WDPCP: variants seen among roughly 807,000 people sequenced by gnomAD.
WDPCP encodes the protein WD repeat-containing and planar cell polarity effector protein fritz homolog.
In WDPCP, 71 loss-of-function variants were observed where a neutral mutation model predicts 93.1. The ratio of observed to expected loss-of-function variants is 0.76; its 90% CI spans 0.63 to 0.93. WDPCP has a LOEUF of 0.93. WDPCP is among the 40% of genes least tolerant of loss of function. The pLI is 0.00. For missense variants in WDPCP, 844 were observed against 887.4 expected, an observed-to-expected ratio of 0.95 and a Z score of 0.62; for synonymous variants, 315 against 315.0, an observed-to-expected ratio of 1.00 and a Z score of 0.00.
At chr2:63,151,538 C>CT (rs978978631) in intron 17 of WDPCP, among the ~76,000 whole-genome samples, 1 of 151,970 alleles carries the variant, frequency 6.6e-6, no homozygotes, top group African/African-American at 2.4e-5. Flanking sequence ...TGTTGTTGTT[C>CT]TTTTTTTAAA....
upstream of WDPCP, chr2:63,588,956 C>A (rs958692852): frequency 1.2e-5 from 19 of 1,593,214 alleles, no homozygotes; most frequent in African/African-American, 8.1e-5. Context: ...CACCGCTCGC[C>A]CTCTCCGAGT....
chr2:63,575,037 A>G lies in WDPCP; in HGVS notation c.75+13160T>C, dbSNP rs1034160285. 4.6e-5 allele frequency among the ~76,000 whole-genome samples: 7 copies of G among 152,088 alleles called. No homozygotes were observed. In the East Asian group the frequency reaches 1.4e-3, roughly 29 times the overall value. On this transcript the variant is annotated intron_variant, in intron 1 of 17. Transcript: ENST00000272321. ...ATTCACTTTTTAACCTTATCCTTTA[A>G]AAATGGTCTGCTTGGTAGAGGGTTA...
At chr2:63,751,866 G>C in intron 2 of WDPCP, 1 of 679,978 alleles carries the variant, frequency 1.5e-6, no homozygotes, top group Non-Finnish European at 2.7e-6. Flanking sequence ...CAAAAGCATT[G>C]TAGCTTCCAC....
At chr2:63,742,838 A>G (rs181843097) in intron 2 of WDPCP, among the ~76,000 whole-genome samples, 57 of 151,622 alleles carry the variant, frequency 3.8e-4, no homozygotes, top group Admixed American at 7.2e-4. Flanking sequence ...ACAGAGCCCA[A>G]TGTTATCAGT....
intron 6 of WDPCP, among the ~76,000 whole-genome samples, chr2:63,468,760 A>G (rs1699513917): frequency 6.6e-6 from 1 of 152,146 alleles, no homozygotes; most frequent in African/African-American, 2.4e-5. Context: ...CTTTCTTGCC[A>G]ACAGCTCCAG....
intron 2 of WDPCP, among the ~76,000 whole-genome samples, chr2:63,799,735 T>A (rs975908510): frequency 2.6e-5 from 4 of 152,184 alleles, no homozygotes; most frequent in African/African-American, 9.7e-5. Context: ...TGTTAAGAAA[T>A]AGGCTGAAAG....
At chr2:63,641,904 T>G (rs898252241) in intron 3 of WDPCP, among the ~76,000 whole-genome samples, 2 of 152,164 alleles carry the variant, frequency 1.3e-5, no homozygotes, top group African/African-American at 4.8e-5. Flanking sequence ...CAATATTTTT[T>G]TAGTAGATTC....
In WDPCP at chr2:63,547,558, C is replaced by T. The variant is rs6717257; in HGVS notation, c.75+40639G>A. 5.6e-4 allele frequency among the ~76,000 whole-genome samples: 7 copies of T among 12,394 alleles called. No homozygotes were observed. The East Asian group carries it at 0.025, about 44-fold the overall frequency. The allele number at this position is 12,394 out of a possible 152,430, so 8.1% of individuals were successfully genotyped here. ...AGATAAAGAAAATGTGGTATGTATA[C>T]ACACACACACACACACACATACACA... is the stretch of plus-strand genomic sequence containing the variant. On this transcript the variant is annotated intron_variant, in intron 1 of 17. Coordinates refer to ENST00000272321, the MANE Select transcript of WDPCP (RefSeq NM_015910.7).
intron 1 of WDPCP, among the ~76,000 whole-genome samples, chr2:63,824,184 C>G (rs1438582915): frequency 1.3e-5 from 2 of 152,034 alleles, no homozygotes; most frequent in African/African-American, 2.4e-5. Flanking sequence ...AAGTGTTTGA[C>G]AGTTCCTCCT....
intron 17 of WDPCP, among the ~76,000 whole-genome samples, chr2:63,150,364 G>A (rs145077095): frequency 6.6e-6 from 1 of 152,266 alleles, no homozygotes; most frequent in East Asian, 1.9e-4. Context: ...TTTGGTTGCC[G>A]TGACTGGGGT....
intron 3 of WDPCP, chr2:63,644,139 A>T: frequency 3.1e-6 from 1 of 325,798 alleles, no homozygotes; most frequent in Non-Finnish European, 6.0e-6. Context: ...TTCATCAGGG[A>T]TATTGGCCTA....
At chr2:63,699,962 T>C (rs1281275084) in intron 2 of WDPCP, among the ~76,000 whole-genome samples, 2 of 152,066 alleles carry the variant, frequency 1.3e-5, no homozygotes, top group South Asian at 2.1e-4. Context: ...TTTATGAAGA[T>C]TGCTCATTGC....
chr2:63,728,751 T>C (rs1011579660), intron 2 of WDPCP, among the ~76,000 whole-genome samples: 2 of 152,120 alleles, frequency 1.3e-5, no homozygotes, highest in Non-Finnish European at 2.9e-5. Flanking sequence ...TCCATTCCCA[T>C]GCCATCATGG....
At chr2:63,808,330 C>CCTCTCCT (rs1658282261) in intron 2 of WDPCP, among the ~76,000 whole-genome samples, 1 of 148,414 alleles carries the variant, frequency 6.7e-6, no homozygotes, top group East Asian at 2.1e-4. Flanking sequence ...TCCCCTCTCC[C>CCTCTCCT]CTCTCCCCTC....
At chr2:63,369,124 G>C (rs1234063961) in intron 12 of WDPCP, 2 of 199,552 alleles carry the variant, frequency 1.0e-5, no homozygotes, top group Non-Finnish European at 2.1e-5. Context: ...TGACCATGTT[G>C]GTAAAGGCTG....
chr2:63,588,812 A>C, upstream of WDPCP: 1 of 604,002 alleles, frequency 1.7e-6, no homozygotes, highest in Non-Finnish European at 2.9e-6. Context: ...GAAGAGCTTG[A>C]AAAAAACCTC....
At chr2:63,383,888 T>G (rs1456512480) in intron 10 of WDPCP, among the ~76,000 whole-genome samples, 1 of 151,016 alleles carries the variant, frequency 6.6e-6, no homozygotes, top group Non-Finnish European at 1.5e-5. Flanking sequence ...AATACATTCT[T>G]TTTAAGTGCA....
intron 2 of WDPCP, among the ~76,000 whole-genome samples, chr2:63,784,607 T>C (rs1022616289): frequency 1.3e-5 from 2 of 149,394 alleles, no homozygotes; most frequent in African/African-American, 4.9e-5. Flanking sequence ...TGTGTGAATA[T>C]GAAACTTCTA....
At chr2:63,175,993 G>A (rs1365346460) in intron 14 of WDPCP, among the ~76,000 whole-genome samples, 1 of 152,006 alleles carries the variant, frequency 6.6e-6, no homozygotes, top group Non-Finnish European at 1.5e-5. Context: ...TTAAATTTTT[G>A]AGGAAATGCC....
Sources: gnomAD v4.1 joint callset for allele counts (sites outside exome capture counted in the v4.1 genomes callset) on GRCh38, gnomAD v4.1.1 for gene constraint, MANE v1.5 for transcripts, NCBI Gene and HGNC (gene_info 2026-07-23, HGNC 2026-07-21) for gene names.